Variants in TMEM117 observed in about 807,000 individuals in gnomAD.
TMEM117 encodes transmembrane protein 117.
TMEM117 carries 27 observed loss-of-function variants against 52.4 expected under a neutral mutation model. The ratio of observed to expected loss-of-function variants is 0.51; its 90% CI spans 0.38 to 0.71. The LOEUF (loss-of-function observed/expected upper bound fraction) is 0.71, where lower values mean the gene tolerates loss of function less well. Ranked by LOEUF, TMEM117 falls within the 30% of genes least tolerant of loss-of-function variation. The pLI is 0.00. For synonymous variants in TMEM117, 215 were observed against 206.3 expected (o/e 1.04, Z -0.36); for missense variants, 556 against 630.5 (o/e 0.88, Z 1.26).
chr12:43,926,052 G>A (rs576070708), intron 2 of TMEM117, among the ~76,000 whole-genome samples: 3 of 152,270 alleles, frequency 2.0e-5, no homozygotes, highest in African/African-American at 7.2e-5. Context: ...AGGTTAATCT[G>A]TATGCTAATT....
In TMEM117 at chr12:44,369,040, T is replaced by C. The variant is rs148123801; in HGVS notation, c.769-7555T>C. On this transcript the variant is annotated intron_variant, in intron 6 of 7. Transcript: ENST00000266534. ...TCTTCAGAGCTAGTTATTTGTACCC[T>C]CTTTCCCCTTTTATTGGTGTCTTTA... Among the ~76,000 whole-genome samples the C allele has an allele frequency of 3.2e-3, 486 of 152,296 alleles. 4 individuals carry two copies. Among genetic ancestry groups the C allele is most frequent in the African/African-American group, 0.011 (445 of 41,586 alleles).
At chr12:44,085,681 T>A (rs182018366) in intron 3 of TMEM117, among the ~76,000 whole-genome samples, 191 of 152,364 alleles carry the variant, frequency 1.3e-3, no homozygotes, top group African/African-American at 4.4e-3. Flanking sequence ...GCATTTTAAC[T>A]CTTGTATGCC....
intron 7 of TMEM117, among the ~76,000 whole-genome samples, chr12:44,387,758 A>G (rs1308876392): frequency 6.6e-6 from 1 of 152,138 alleles, no homozygotes; most frequent in Non-Finnish European, 1.5e-5. Flanking sequence ...TGCCTATAAA[A>G]CAAGGAGACT....
intron 6 of TMEM117, among the ~76,000 whole-genome samples, chr12:44,366,644 A>G (rs1278372742): frequency 2.0e-5 from 3 of 152,038 alleles, no homozygotes; most frequent in Non-Finnish European, 4.4e-5. Flanking sequence ...GTTCAAATCC[A>G]TTGCTCTAAA....
the TMEM117 span, among the ~76,000 whole-genome samples, chr12:43,817,100 C>T: frequency 6.6e-6 from 1 of 152,206 alleles, no homozygotes; most frequent in East Asian, 1.9e-4. Flanking sequence ...TTAATATGCT[C>T]TTCTTAAAAT....
chr12:44,281,561 G>C (rs1950577366), intron 5 of TMEM117, among the ~76,000 whole-genome samples: 2 of 152,126 alleles, frequency 1.3e-5, no homozygotes, highest in Admixed American at 1.3e-4. Flanking sequence ...ATCCTATTTA[G>C]AAATCAAATA....
chr12:44,269,555 A>G (rs1407120797), intron 5 of TMEM117, among the ~76,000 whole-genome samples: 1 of 151,068 alleles, frequency 6.6e-6, no homozygotes, highest in Non-Finnish European at 1.5e-5. Flanking sequence ...GTTTCTCTCT[A>G]CCTCGTCTCC....
At chr12:44,175,953 G>T (rs1331099935) in intron 4 of TMEM117, among the ~76,000 whole-genome samples, 1 of 152,158 alleles carries the variant, frequency 6.6e-6, no homozygotes, top group Non-Finnish European at 1.5e-5. Context: ...CTGGAGACAG[G>T]TTAAGTGGGA....
intron 6 of TMEM117, among the ~76,000 whole-genome samples, chr12:44,334,388 A>T (rs1951311730): frequency 6.6e-6 from 1 of 152,056 alleles, no homozygotes; most frequent in Non-Finnish European, 1.5e-5. Context: ...AAGCAAAGCT[A>T]TGTGACTTAA....
chr12:43,887,172 G>A (rs936161745), intron 2 of TMEM117, among the ~76,000 whole-genome samples: 1 of 152,156 alleles, frequency 6.6e-6, no homozygotes, highest in Non-Finnish European at 1.5e-5. Flanking sequence ...TTTTCAGTGA[G>A]GGGTTGGGTG....
intron 3 of TMEM117, among the ~76,000 whole-genome samples, chr12:43,971,031 A>G (rs781372716): frequency 6.6e-6 from 1 of 151,976 alleles, no homozygotes; most frequent in African/African-American, 2.4e-5. Context: ...TCTCTGTTCC[A>G]TATCAACAAA....
chr12:44,201,320 A>G (rs1044747850), intron 4 of TMEM117, among the ~76,000 whole-genome samples: 2 of 152,136 alleles, frequency 1.3e-5, no homozygotes, highest in East Asian at 1.9e-4. Flanking sequence ...TCCTAACTCA[A>G]TGAGCAGAAT....
At chr12:44,350,395 A>G (rs1162672781) in intron 6 of TMEM117, among the ~76,000 whole-genome samples, 1 of 151,986 alleles carries the variant, frequency 6.6e-6, no homozygotes, top group African/African-American at 2.4e-5. Context: ...TTTTAAACAC[A>G]ATCCAACTAT....
At chr12:43,924,714 A>C (rs144233305) in intron 2 of TMEM117, among the ~76,000 whole-genome samples, 1 of 152,176 alleles carries the variant, frequency 6.6e-6, no homozygotes, top group South Asian at 2.1e-4. Flanking sequence ...CCATGCTTCA[A>C]GTTCTCAAGT....
At chr12:43,992,598 G>A (rs1727336246) in intron 3 of TMEM117, among the ~76,000 whole-genome samples, 1 of 152,186 alleles carries the variant, frequency 6.6e-6, no homozygotes, top group Admixed American at 6.5e-5. Flanking sequence ...CTTCAGGCTT[G>A]TTTATACCAC....
intron 3 of TMEM117, among the ~76,000 whole-genome samples, chr12:43,978,663 T>C (rs1313535979): frequency 1.3e-5 from 2 of 152,178 alleles, no homozygotes; most frequent in Non-Finnish European, 1.5e-5. Flanking sequence ...GCCTGTATAA[T>C]CAGAGAGTGT....
At chr12:43,928,815 A>T (rs574499659) in intron 2 of TMEM117, among the ~76,000 whole-genome samples, 39 of 146,728 alleles carry the variant, frequency 2.7e-4, no homozygotes, top group Admixed American at 3.5e-4. Context: ...TCATTGTTCA[A>T]TTCCCACCTA....
intron 3 of TMEM117, among the ~76,000 whole-genome samples, chr12:44,060,415 T>C (rs1947121923): frequency 1.3e-5 from 2 of 152,110 alleles, no homozygotes; most frequent in African/African-American, 4.8e-5. Flanking sequence ...GGGAGAGTAT[T>C]CTTGGCAAGA....
At chr12:43,998,077 T>G (rs1946060490) in intron 3 of TMEM117, among the ~76,000 whole-genome samples, 1 of 152,166 alleles carries the variant, frequency 6.6e-6, no homozygotes, top group South Asian at 2.1e-4. Context: ...TAAGTCCAAA[T>G]CAGTGTTTAA....
Sources: allele counts gnomAD v4.1 joint callset (sites outside exome capture counted in the v4.1 genomes callset), GRCh38; gene constraint gnomAD v4.1.1; transcripts MANE v1.5; gene names NCBI Gene and HGNC (gene_info 2026-07-23, HGNC 2026-07-21).